Variants in MTA3 observed in about 807,000 individuals in gnomAD.
MTA3 encodes the protein metastasis associated 1 family member 3.
MTA3 carries 34 observed loss-of-function variants against 83.5 expected under a neutral mutation model. That is an observed-to-expected ratio of 0.41 (90% CI 0.31 to 0.54). MTA3 has a LOEUF of 0.54. Ranked by LOEUF, MTA3 falls within the 20% of genes least tolerant of loss-of-function variation. The pLI, the probability that MTA3 is intolerant of heterozygous loss-of-function variation, is 0.33. For missense variants in MTA3, 761 were observed against 726.4 expected (o/e 1.05, Z -0.55); for synonymous variants, 303 against 252.7 (o/e 1.20, Z -1.89).
rs1340446080 is a variant in MTA3 at position 42,626,516 on chromosome 2, T to C, written c.318-13657T>C. On this transcript the variant is annotated intron_variant, in intron 4 of 16. Coordinates refer to ENST00000405094, the MANE Select transcript of MTA3 (RefSeq NM_001330442.2). ...TTTCACCATGTTGGCCAGGCTGGTC[T>C]CGAACTCCTGACCTCGTGATCCGCC... Among the ~76,000 whole-genome samples the C allele has an allele frequency of 1.3e-5, 2 of 151,372 alleles. 1 individual carries two copies. Among genetic ancestry groups the C allele is most frequent in the East Asian group, 3.9e-4 (2 of 5,112 alleles).
chr2:42,546,205 A>G (rs189841978), intron 2 of MTA3, among the ~76,000 whole-genome samples: 13 of 152,298 alleles, frequency 8.5e-5, no homozygotes, highest in East Asian at 5.8e-4. Flanking sequence ...CTTAAAATAT[A>G]AATGGAAAAC....
At chr2:42,650,653 TCTC>T (rs1195258240) in intron 6 of MTA3, among the ~76,000 whole-genome samples, 1 of 152,080 alleles carries the variant, frequency 6.6e-6, no homozygotes, top group African/African-American at 2.4e-5. Flanking sequence ...ATGGTCTCAA[TCTC>T]CTGACGTCGT....
At chr2:42,694,245 C>A (rs1207847310) in intron 9 of MTA3, among the ~76,000 whole-genome samples, 1 of 151,712 alleles carries the variant, frequency 6.6e-6, no homozygotes, top group Non-Finnish European at 1.5e-5. Context: ...TGCAATCACT[C>A]CTTTAGCCAC....
At position 42,754,763 on chromosome 2, in the gene MTA3, A is replaced by G. The variant is rs1170231372; in HGVS notation, c.*1364A>G. On this transcript the variant is annotated 3_prime_UTR_variant, in exon 17 of 17. Transcript: ENST00000405094. ...CAAGCTGTTGCAAGACAGAGTGGCT[A>G]CAATTGAATTGACACCCTGGGAAGC... The G allele has an allele frequency of 2.0e-6, 2 of 985,402 alleles. No individual in the cohort carries two copies. Among genetic ancestry groups the G allele is most frequent in the Admixed American group, 6.1e-5 (1 of 16,270 alleles). The allele number at this position is 985,402 out of a possible 1,614,324, so 61.0% of individuals were successfully genotyped here. A position where few individuals can be genotyped will look rare whatever the true frequency, so the allele number is the denominator to read the frequency against.
chr2:42,738,031 G>A (rs1410059026), intron 16 of MTA3, among the ~76,000 whole-genome samples: 2 of 152,184 alleles, frequency 1.3e-5, no homozygotes, highest in East Asian at 3.8e-4. Context: ...GGAGGCCAAG[G>A]CAGGCAGATT....
chr2:42,503,278 A>G (rs1251745367), intron 2 of MTA3, among the ~76,000 whole-genome samples: 1 of 152,212 alleles, frequency 6.6e-6, no homozygotes, highest in African/African-American at 2.4e-5. Flanking sequence ...GGCATTTGCA[A>G]ACTGTCATTG....
chr2:42,684,295 C>G (rs1558579778), intron 9 of MTA3, among the ~76,000 whole-genome samples: 1 of 152,120 alleles, frequency 6.6e-6, no homozygotes, highest in Non-Finnish European at 1.5e-5. Flanking sequence ...TTGATGTGAG[C>G]CAATAGCCTG....
At chr2:42,698,246 A>G (rs537405027) in intron 11 of MTA3, among the ~76,000 whole-genome samples, 1 of 152,146 alleles carries the variant, frequency 6.6e-6, no homozygotes, top group Non-Finnish European at 1.5e-5. Context: ...CTTGGTTCCA[A>G]TGGCAATTAG....
intron 15 of MTA3, among the ~76,000 whole-genome samples, chr2:42,721,928 T>C (rs1435815297): frequency 3.9e-5 from 6 of 152,194 alleles, no homozygotes; most frequent in Non-Finnish European, 8.8e-5. Context: ...TGGTAGTATT[T>C]AAGCCATTTC....
chr2:42,509,334 C>T (rs768543335), intron 2 of MTA3, among the ~76,000 whole-genome samples: 9 of 152,090 alleles, frequency 5.9e-5, no homozygotes, highest in Non-Finnish European at 8.8e-5. Context: ...AGAGCCACTG[C>T]GCCTGGCCTC....
At chr2:42,679,289 G>A (rs775113577) in intron 8 of MTA3, among the ~76,000 whole-genome samples, 12 of 152,112 alleles carry the variant, frequency 7.9e-5, no homozygotes, top group Non-Finnish European at 1.2e-4. Context: ...CAACTTGTGC[G>A]TGAACCCCAG....
intron 2 of MTA3, among the ~76,000 whole-genome samples, chr2:42,538,445 T>C (rs7608957): frequency 0.37 from 56,193 of 151,664 alleles, 10,520 homozygotes; most frequent in South Asian, 0.41. Context: ...CGGTGGCTCA[T>C]GCCTGTAATC....
At chr2:42,730,244 A>G (rs1354482305) in intron 16 of MTA3, among the ~76,000 whole-genome samples, 1 of 152,142 alleles carries the variant, frequency 6.6e-6, no homozygotes, top group Non-Finnish European at 1.5e-5. Context: ...TAGAACTTCC[A>G]GTACTCTGTT....
chr2:42,577,026 G>A (rs1679111973), intron 2 of MTA3, among the ~76,000 whole-genome samples: 1 of 147,848 alleles, frequency 6.8e-6, no homozygotes, highest in Admixed American at 6.9e-5. Context: ...CCAGGGAGTT[G>A]GAGGTTGCAG....
intron 8 of MTA3, among the ~76,000 whole-genome samples, chr2:42,674,596 C>CTT (rs34154066): frequency 4.1e-4 from 47 of 114,284 alleles, no homozygotes; most frequent in Non-Finnish European, 4.8e-4. Flanking sequence ...TTTTCTTCTT[C>CTT]TTTTTTTTTT....
chr2:42,642,352 C>G (rs1687771144), intron 5 of MTA3, among the ~76,000 whole-genome samples: 1 of 151,972 alleles, frequency 6.6e-6, no homozygotes, highest in Non-Finnish European at 1.5e-5. Flanking sequence ...ACTGAAGTAT[C>G]TCTGCATTTA....
intron 8 of MTA3, among the ~76,000 whole-genome samples, chr2:42,660,883 A>G (rs1366136243): frequency 2.0e-5 from 3 of 152,160 alleles, no homozygotes; most frequent in African/African-American, 7.2e-5. Flanking sequence ...TTACTATGTG[A>G]TTGCCCAGGC....
At chr2:42,731,437 T>C (rs1434761039) in intron 16 of MTA3, among the ~76,000 whole-genome samples, 1 of 152,220 alleles carries the variant, frequency 6.6e-6, no homozygotes, top group South Asian at 2.1e-4. Context: ...TCTCAGAATC[T>C]GGTGGGAGGC....
chr2:42,623,418 G>A lies in MTA3; in HGVS notation c.317+13834G>A, dbSNP rs148839804. On this transcript the variant is annotated intron_variant, in intron 4 of 16. Coordinates refer to ENST00000405094, the MANE Select transcript of MTA3 (RefSeq NM_001330442.2). ...CCCCTCCTGGACTCCCTGGACATAA[G>A]TTCCCTGAATAAAGCTTATGTCACG... Among the ~76,000 whole-genome samples, 253 of 152,278 alleles carry A rather than the reference G, an allele frequency of 1.7e-3. 1 individual carries two copies. Among genetic ancestry groups the A allele is most frequent in the Admixed American group, 2.7e-3 (41 of 15,296 alleles).
Sources: allele counts gnomAD v4.1 joint callset (sites outside exome capture counted in the v4.1 genomes callset), GRCh38; gene constraint gnomAD v4.1.1; transcripts MANE v1.5; gene names NCBI Gene and HGNC (gene_info 2026-07-23, HGNC 2026-07-21).